Variants in MAF observed in about 807,000 individuals in gnomAD.
The protein encoded by MAF is transcription factor Maf.
Under a neutral mutation model 22.0 loss-of-function variants are expected in MAF, and 10 were observed. The ratio of observed to expected loss-of-function variants is 0.45; its 90% CI spans 0.28 to 0.77. The LOEUF (loss-of-function observed/expected upper bound fraction) is 0.77, where lower values mean the gene tolerates loss of function less well. Ranked by LOEUF, MAF falls within the 30% of genes least tolerant of loss-of-function variation. The probability of loss-of-function intolerance (pLI) is 0.12; values close to 1 mark genes in which losing one functional copy is unlikely to be tolerated. For missense variants in MAF, 544 were observed against 548.4 expected (o/e 0.99, Z 0.08); for synonymous variants, 337 against 255.8 (o/e 1.32, Z -3.03).
At chr16:79,487,931 C>T in the MAF span, among the ~76,000 whole-genome samples, 7 of 152,222 alleles carry the variant, frequency 4.6e-5, no homozygotes, top group African/African-American at 1.7e-4. Flanking sequence ...GGGGATAAGG[C>T]CCTGTGCTCA....
chr16:79,597,287 T>G (rs1913589929), intron 1 of MAF: 1 of 1,044,698 alleles, frequency 9.6e-7, no homozygotes, highest in South Asian at 4.6e-5. Context: ...GCTAACAGAT[T>G]ATAAAAACTA....
At chr16:79,470,427 G>T in the MAF span, among the ~76,000 whole-genome samples, 1 of 152,172 alleles carries the variant, frequency 6.6e-6, no homozygotes, top group Non-Finnish European at 1.5e-5. Flanking sequence ...AGAAAGAGCT[G>T]CCCACTCCAC....
the MAF span, among the ~76,000 whole-genome samples, chr16:79,328,110 G>A: frequency 9.7e-4 from 147 of 152,282 alleles, 1 homozygote; most frequent in Non-Finnish European, 1.4e-3. Flanking sequence ...CCTGCAGCAT[G>A]CATTAAGAAA....
At chr16:79,319,585 A>C in the MAF span, among the ~76,000 whole-genome samples, 3 of 152,326 alleles carry the variant, frequency 2.0e-5, no homozygotes, top group South Asian at 6.2e-4. Flanking sequence ...GGGGGACAAT[A>C]ATGCACTTTA....
the MAF span, among the ~76,000 whole-genome samples, chr16:79,549,730 G>A: frequency 6.6e-6 from 1 of 152,198 alleles, no homozygotes; most frequent in Non-Finnish European, 1.5e-5. Flanking sequence ...CCCTGGAAGG[G>A]AAGCTGAGTC....
In MAF at chr16:79,594,441, T is replaced by G. The variant is rs200061958; in HGVS notation, c.*19A>C. ...ATAATAATGATGATTTTTTTTAATGTACAGCTCTCACACAAATTTCATTTT... is the reference window on the plus strand; with the variant it reads ...ATAATAATGATGATTTTTTTTAATGGACAGCTCTCACACAAATTTCATTTT... On this transcript the variant is annotated 3_prime_UTR_variant, in exon 2 of 2. Coordinates refer to ENST00000326043, the MANE Select transcript of MAF (RefSeq NM_005360.5). 6.5e-7 allele frequency: 1 copy of G among 1,550,278 alleles called. No homozygotes were observed. The highest frequency in any genetic ancestry group is 1.4e-5 in the African/African-American group (1 of 73,040).
At chr16:79,406,182 G>C in the MAF span, among the ~76,000 whole-genome samples, 1 of 151,958 alleles carries the variant, frequency 6.6e-6, no homozygotes, top group African/African-American at 2.4e-5. Context: ...TTCCCTACAC[G>C]CCTGCAACTG....
chr16:79,512,643 T>C, the MAF span, among the ~76,000 whole-genome samples: 2 of 152,210 alleles, frequency 1.3e-5, no homozygotes, highest in African/African-American at 4.8e-5. Context: ...GTGTGCCGTT[T>C]ATGAAAACAA....
downstream of MAF, among the ~76,000 whole-genome samples, chr16:79,590,264 G>C (rs113347401): frequency 1.9e-4 from 29 of 152,198 alleles, no homozygotes; most frequent in Middle Eastern, 3.4e-3. Flanking sequence ...ATGGGAGAGG[G>C]GACAAACTCA....
At chr16:79,345,390 T>C in the MAF span, among the ~76,000 whole-genome samples, 1 of 152,078 alleles carries the variant, frequency 6.6e-6, no homozygotes, top group Non-Finnish European at 1.5e-5. Context: ...ATGCTAACAA[T>C]AAAAAGGAGA....
At chr16:79,378,387 T>C in the MAF span, among the ~76,000 whole-genome samples, 1 of 152,214 alleles carries the variant, frequency 6.6e-6, no homozygotes, top group African/African-American at 2.4e-5. Flanking sequence ...TCATTTTTTA[T>C]TCTATTATTA....
the MAF span, among the ~76,000 whole-genome samples, chr16:79,274,417 C>T: frequency 9.9e-5 from 15 of 152,080 alleles, no homozygotes; most frequent in East Asian, 3.9e-4. Flanking sequence ...AGAGGCCCAG[C>T]CATTTGCATT....
the MAF span, among the ~76,000 whole-genome samples, chr16:79,543,013 T>C: frequency 6.6e-6 from 1 of 152,162 alleles, no homozygotes; most frequent in African/African-American, 2.4e-5. Flanking sequence ...ATGTTTTCTC[T>C]CTCCATCTCT....
At chr16:79,273,370 A>C in the MAF span, among the ~76,000 whole-genome samples, 1 of 152,158 alleles carries the variant, frequency 6.6e-6, no homozygotes, top group African/African-American at 2.4e-5. Flanking sequence ...TGCCATGTGA[A>C]CCTATGCTCC....
the MAF span, among the ~76,000 whole-genome samples, chr16:79,489,197 C>T: frequency 6.6e-6 from 1 of 152,152 alleles, no homozygotes; most frequent in Admixed American, 6.5e-5. Context: ...ATTTATCCAT[C>T]CATCTATTCC....
chr16:79,204,320 T>C, the MAF span: 1 of 152,148 alleles, frequency 6.6e-6, no homozygotes, highest in East Asian at 1.9e-4. Context: ...TCTAGAACGC[T>C]TTGGGCAGGC....
At chr16:79,248,995 T>A in the MAF span, among the ~76,000 whole-genome samples, 1 of 152,164 alleles carries the variant, frequency 6.6e-6, no homozygotes, top group African/African-American at 2.4e-5. Context: ...CTGCTGTGAT[T>A]TAAGTTTGTG....
chr16:79,594,329 C>A lies in MAF; in HGVS notation c.*131G>T, dbSNP rs982661425. On this transcript the variant is annotated 3_prime_UTR_variant, in exon 2 of 2. Transcript: ENST00000326043. ...CATAGTTAACTACTACATTTAATAGCCTTCTTCTCTAACACAGTAATTTTT... is the reference window on the plus strand; with the variant it reads ...CATAGTTAACTACTACATTTAATAGACTTCTTCTCTAACACAGTAATTTTT... 23 of 858,938 alleles carry A rather than the reference C, an allele frequency of 2.7e-5. No homozygotes were observed. Among genetic ancestry groups the A allele is most frequent in the Non-Finnish European group, 4.1e-5 (22 of 531,182 alleles). 53.2% of individuals were successfully genotyped at this position (858,938 alleles called of 1,614,324 possible).
chr16:79,244,864 C>G, the MAF span, among the ~76,000 whole-genome samples: 1 of 152,002 alleles, frequency 6.6e-6, no homozygotes, highest in African/African-American at 2.4e-5. Context: ...GGTACCAAAA[C>G]AGACATATAG....
Sources: allele counts gnomAD v4.1 joint callset (sites outside exome capture counted in the v4.1 genomes callset), GRCh38; gene constraint gnomAD v4.1.1; transcripts MANE v1.5; gene names NCBI Gene and HGNC (gene_info 2026-07-23, HGNC 2026-07-21).